The following PADI2 variants were observed in gnomAD, a reference collection of about 807,000 sequenced individuals.
PADI2 encodes peptidyl arginine deiminase 2.
A neutral mutation model predicts 81.1 loss-of-function variants in PADI2; 70 were observed. The ratio of observed to expected loss-of-function variants is 0.86; its 90% CI spans 0.71 to 1.05. The LOEUF is 1.05. Ranked by LOEUF, PADI2 falls within the 50% of genes least tolerant of loss-of-function variation. The probability of loss-of-function intolerance (pLI) is 0.00; values close to 1 mark genes in which losing one functional copy is unlikely to be tolerated. For synonymous variants in PADI2, 338 were observed against 358.0 expected, an observed-to-expected ratio of 0.94 and a Z score of 0.63; for missense variants, 853 against 889.9, an observed-to-expected ratio of 0.96 and a Z score of 0.53.
rs892361298 is a variant in PADI2, at chr1:17,087,946, G to A, written c.656-1247C>T. 3.9e-5 allele frequency among the ~76,000 whole-genome samples: 6 copies of A among 152,368 alleles called. No individual in the cohort carries two copies. In the South Asian group the frequency reaches 8.3e-4, roughly 21 times the overall value. ...ATGACTCCCACAACATTCCCTGTGG[G>A]AGAGACCAAGGGGGAATTTTCAGGC... On this transcript the variant is annotated intron_variant, in intron 6 of 15. Transcript: ENST00000375486.
chr1:17,117,768 G>A (rs1231001606), intron 1 of PADI2, among the ~76,000 whole-genome samples: 2 of 152,362 alleles, frequency 1.3e-5, no homozygotes, highest in African/African-American at 2.4e-5. Flanking sequence ...ATAAACAGGT[G>A]GGTATGGTGA....
intron 3 of PADI2, among the ~76,000 whole-genome samples, chr1:17,100,373 C>T (rs936947335): frequency 6.6e-6 from 1 of 152,190 alleles, no homozygotes; most frequent in African/African-American, 2.4e-5. Context: ...CAACCTCTGT[C>T]TCCTGGTTTC....
chr1:17,095,054 C>T (rs1303896795), intron 4 of PADI2, among the ~76,000 whole-genome samples: 2 of 152,196 alleles, frequency 1.3e-5, no homozygotes, highest in African/African-American at 2.4e-5. Flanking sequence ...TATTTTACTT[C>T]GTAAGTACCC....
At chr1:17,100,564 C>T (rs1231507496) in intron 3 of PADI2, among the ~76,000 whole-genome samples, 2 of 151,920 alleles carry the variant, frequency 1.3e-5, no homozygotes, top group Admixed American at 6.6e-5. Flanking sequence ...GGATTACAGG[C>T]GTGAGCCACT....
chr1:17,108,196 G>A (rs1052189841), intron 1 of PADI2, among the ~76,000 whole-genome samples: 4 of 152,114 alleles, frequency 2.6e-5, no homozygotes, highest in South Asian at 2.1e-4. Context: ...TGATCCACCC[G>A]CCTCGGCCTC....
intron 6 of PADI2, among the ~76,000 whole-genome samples, chr1:17,091,495 C>G (rs374427164): frequency 6.6e-6 from 1 of 152,104 alleles, no homozygotes; most frequent in Admixed American, 6.6e-5. Context: ...GGCCCCTGGC[C>G]GAGCTGACTG....
rs577980944 is a variant in PADI2 at position 17,089,835 on chromosome 1, G to A, written c.655+2573C>T. 1.4e-3 allele frequency among the ~76,000 whole-genome samples: 212 copies of A among 152,230 alleles called. 1 individual carries two copies. Among genetic ancestry groups the A allele is most frequent in the Non-Finnish European group, 1.1e-3 (78 of 68,008 alleles). ...CCTTGGGCTGGGCCCACTGACCACC[G>A]TGACCTCTCTGCCCCAGGCATTGGC... On this transcript the variant is annotated intron_variant, in intron 6 of 15. Coordinates refer to ENST00000375486, the MANE Select transcript of PADI2 (RefSeq NM_007365.3).
chr1:17,084,726 G>A (rs1307174114), intron 7 of PADI2, 24 bp from the exon 8 acceptor site: 5 of 1,472,130 alleles, frequency 3.4e-6, no homozygotes, highest in Middle Eastern at 1.7e-4. Context: ...ACAAGGCGTG[G>A]GGGATCAAAA....
At position 17,070,112 on chromosome 1, in the gene PADI2, A is replaced by G; in HGVS notation, c.1740T>C (p.Arg580=). 1.9e-6 allele frequency: 3 copies of G among 1,614,072 alleles called. No homozygotes were observed. The highest frequency in any genetic ancestry group is 2.5e-6 in the Non-Finnish European group (3 of 1,179,940). ...PALFKMDEDH[R]ARAFFPNMVN... is the part of the protein sequence containing the mutation. ...CCATGTTTGGGAAGAAGGCTCTGGC[A>G]CGGTGGTCCTCGTCCATCTTGAACA... is the stretch of plus-strand genomic sequence containing the variant. The change falls in exon 15 of 16, where the codon CGT becomes CGC. Residue 580 remains arginine (R), a synonymous_variant. Transcript: ENST00000375486.
At chr1:17,078,522 C>G in intron 11 of PADI2, among the ~76,000 whole-genome samples, 1 of 152,130 alleles carries the variant, frequency 6.6e-6, no homozygotes, top group Non-Finnish European at 1.5e-5. Flanking sequence ...CCTCAGCCTC[C>G]CAAGAAGCTG....
At chr1:17,091,533 T>G (rs1930696656) in intron 6 of PADI2, among the ~76,000 whole-genome samples, 1 of 152,056 alleles carries the variant, frequency 6.6e-6, no homozygotes, top group African/African-American at 2.4e-5. Flanking sequence ...TGCTCTGGGC[T>G]TCCATCTGCT....
chr1:17,090,275 G>A (rs572044535), intron 6 of PADI2, among the ~76,000 whole-genome samples: 44 of 152,334 alleles, frequency 2.9e-4, no homozygotes, highest in African/African-American at 5.5e-4. Flanking sequence ...ACCACGATCC[G>A]GGACACCCGG....
chr1:17,114,820 C>A (rs1337280332), intron 1 of PADI2, among the ~76,000 whole-genome samples: 2 of 152,046 alleles, frequency 1.3e-5, no homozygotes, highest in Non-Finnish European at 2.9e-5. Flanking sequence ...GAGGGAACAG[C>A]AACTGCAAAG....
chr1:17,111,422 A>G (rs1452057362), intron 1 of PADI2, among the ~76,000 whole-genome samples: 4 of 152,094 alleles, frequency 2.6e-5, no homozygotes, highest in Non-Finnish European at 5.9e-5. Flanking sequence ...AATGGATTAC[A>G]TGATTACAGC....
intron 6 of PADI2, among the ~76,000 whole-genome samples, chr1:17,087,705 A>G (rs774971521): frequency 1.3e-5 from 2 of 152,050 alleles, no homozygotes; most frequent in African/African-American, 4.8e-5. Flanking sequence ...TTTCATCGCC[A>G]TCTTGGTCAG....
intron 5 of PADI2, 47 bp from the exon 6 acceptor site, chr1:17,092,580 C>A: frequency 1.3e-6 from 2 of 1,490,170 alleles, no homozygotes; most frequent in East Asian, 2.4e-5. Context: ...GTTGCTGGAG[C>A]CTCAGCTTCC....
chr1:17,101,313 G>C (rs1931133714), intron 3 of PADI2, among the ~76,000 whole-genome samples: 1 of 152,114 alleles, frequency 6.6e-6, no homozygotes, highest in Non-Finnish European at 1.5e-5. Flanking sequence ...TGCTTTGGTG[G>C]AAGTCTTGTT....
intron 11 of PADI2, among the ~76,000 whole-genome samples, chr1:17,077,639 AGGAAAT>A (rs890685127): frequency 2.2e-4 from 34 of 152,292 alleles, no homozygotes; most frequent in African/African-American, 7.2e-4. Flanking sequence ...GCTGGTGCTC[AGGAAAT>A]GGTTGCTGAG....
At chr1:17,104,674 C>T (rs1490833327) in intron 2 of PADI2, among the ~76,000 whole-genome samples, 1 of 152,044 alleles carries the variant, frequency 6.6e-6, no homozygotes, top group Non-Finnish European at 1.5e-5. Context: ...ACCTTGTGAT[C>T]CACCCGCCTC....
Sources: allele counts gnomAD v4.1 joint callset (sites outside exome capture counted in the v4.1 genomes callset), GRCh38; gene constraint gnomAD v4.1.1; transcripts MANE v1.5; gene names NCBI Gene and HGNC (gene_info 2026-07-23, HGNC 2026-07-21).